SLC35F1: variants seen among roughly 807,000 people sequenced by gnomAD.
SLC35F1 encodes chromosome 6 open reading frame 169.
A neutral mutation model predicts 48.7 loss-of-function variants in SLC35F1; 14 were observed. The ratio of observed to expected loss-of-function variants is 0.29; its 90% CI spans 0.19 to 0.45. SLC35F1 has a LOEUF of 0.45. SLC35F1 is among the 20% of genes least tolerant of loss of function. SLC35F1 has a pLI of 1.00. For synonymous variants in SLC35F1, 190 were observed against 202.2 expected (o/e 0.94, Z 0.51); for missense variants, 404 against 500.0 (o/e 0.81, Z 1.83).
chr6:118,043,017 C>T (rs1387541245), intron 1 of SLC35F1, among the ~76,000 whole-genome samples: 4 of 152,140 alleles, frequency 2.6e-5, no homozygotes, highest in Admixed American at 1.3e-4. Context: ...GCATTTACAG[C>T]CCAATGGGTA....
intron 2 of SLC35F1, among the ~76,000 whole-genome samples, chr6:118,216,392 T>C (rs575526111): frequency 6.6e-6 from 1 of 151,316 alleles, no homozygotes; most frequent in South Asian, 2.1e-4. Flanking sequence ...ATTCTTATTT[T>C]ATAATTTCTA....
intron 1 of SLC35F1, among the ~76,000 whole-genome samples, chr6:118,060,003 T>G (rs1156863686): frequency 1.3e-5 from 2 of 152,224 alleles, no homozygotes; most frequent in African/African-American, 4.8e-5. Flanking sequence ...AAGTTAAGTA[T>G]ATAATTGTAT....
chr6:118,152,640 G>T (rs952994126), intron 1 of SLC35F1, among the ~76,000 whole-genome samples: 8 of 152,116 alleles, frequency 5.3e-5, no homozygotes, highest in African/African-American at 1.9e-4. Context: ...CTTTTATGAG[G>T]GCAGAAAATG....
intron 3 of SLC35F1, among the ~76,000 whole-genome samples, chr6:118,241,603 G>C (rs1014961007): frequency 2.6e-5 from 4 of 151,742 alleles, no homozygotes; most frequent in African/African-American, 9.7e-5. Context: ...GTGTGTGTGT[G>C]TGTGTCTGTG....
chr6:117,911,493 T>TGGCATGATCACAACTTATTGCAGC (rs1775763395), intron 1 of SLC35F1, among the ~76,000 whole-genome samples: 1 of 148,510 alleles, frequency 6.7e-6, no homozygotes, highest in Non-Finnish European at 1.5e-5. Flanking sequence ...TGGAGTGCAG[T>TGGCATGATCACAACTTATTGCAGC]GGCATGATCA....
chr6:118,043,997 G>C (rs539823861), intron 1 of SLC35F1, among the ~76,000 whole-genome samples: 1 of 152,186 alleles, frequency 6.6e-6, no homozygotes, highest in Non-Finnish European at 1.5e-5. Context: ...AAGGCAAAAG[G>C]GACTGCCAAC....
Position 118,162,590 on chromosome 6 carries a change from G to A in SLC35F1, c.349+7970G>A, listed in dbSNP as rs537333100. On this transcript the variant is annotated intron_variant, in intron 2 of 7. Transcript: ENST00000360388. The stretch of plus-strand genomic sequence containing the variant: ...AAAGAAAATTAACTACTATAACTCG[G>A]CCGTTACCATGATGGAATAAGTTAT... Among the ~76,000 whole-genome samples the A allele has an allele frequency of 2.6e-5, 4 of 152,242 alleles. No individual in the cohort carries two copies. The East Asian group carries it at 5.8e-4, about 22-fold the overall frequency.
At chr6:118,212,704 AGAAGGAAAGGAAGGAAG>A (rs1562326973) in intron 2 of SLC35F1, among the ~76,000 whole-genome samples, 2 of 143,390 alleles carry the variant, frequency 1.4e-5, no homozygotes, top group African/African-American at 5.3e-5. Context: ...AAAGAAGGAA[AGAAGGAAAGGAAGGAAG>A]GAAGGAAAGG....
chr6:118,266,897 G>A (rs1234635854), intron 3 of SLC35F1, 98 bp from the exon 4 acceptor site: 1 of 1,376,138 alleles, frequency 7.3e-7, no homozygotes, highest in Non-Finnish European at 1.0e-6. Context: ...CAGGGGAAAG[G>A]CAGAACCCTT....
chr6:117,928,738 C>A (rs1226335297), intron 1 of SLC35F1, among the ~76,000 whole-genome samples: 2 of 152,042 alleles, frequency 1.3e-5, no homozygotes, highest in East Asian at 3.9e-4. Context: ...TTTTGGAGAG[C>A]AGTTGCACAA....
At chr6:117,945,802 T>C (rs2114823312) in intron 1 of SLC35F1, among the ~76,000 whole-genome samples, 1 of 152,336 alleles carries the variant, frequency 6.6e-6, no homozygotes, top group African/African-American at 2.4e-5. Context: ...TTTCACTTTG[T>C]AGGACCATTT....
At chr6:118,008,044 A>G (rs1582615996) in intron 1 of SLC35F1, among the ~76,000 whole-genome samples, 1 of 151,956 alleles carries the variant, frequency 6.6e-6, no homozygotes, top group Admixed American at 6.6e-5. Context: ...ACACATGGAT[A>G]TTTGCTCTTT....
At chr6:118,179,671 G>A (rs896105467) in intron 2 of SLC35F1, among the ~76,000 whole-genome samples, 2 of 152,142 alleles carry the variant, frequency 1.3e-5, no homozygotes, top group East Asian at 1.9e-4. Context: ...TTATATGTTG[G>A]GAGAAACTCT....
intron 1 of SLC35F1, among the ~76,000 whole-genome samples, chr6:117,978,611 C>T (rs1179425510): frequency 6.6e-6 from 1 of 152,140 alleles, no homozygotes; most frequent in Non-Finnish European, 1.5e-5. Flanking sequence ...TTGCTTCAGA[C>T]CTAAGTCAGC....
intron 1 of SLC35F1, among the ~76,000 whole-genome samples, chr6:117,925,185 A>G (rs1179255684): frequency 6.6e-6 from 1 of 152,126 alleles, no homozygotes; most frequent in Non-Finnish European, 1.5e-5. Context: ...ATCTAAGCCA[A>G]TTAGTTTATG....
intron 1 of SLC35F1, among the ~76,000 whole-genome samples, chr6:117,993,471 A>T (rs4946315): frequency 0.36 from 55,208 of 152,020 alleles, 10,708 homozygotes; most frequent in South Asian, 0.51. Context: ...CAATTAATAG[A>T]TTTTTATTGA....
At chr6:118,179,828 C>T (rs773206637) in intron 2 of SLC35F1, among the ~76,000 whole-genome samples, 2 of 152,072 alleles carry the variant, frequency 1.3e-5, no homozygotes, top group African/African-American at 2.4e-5. Flanking sequence ...GACACTCTCA[C>T]GCTGGTTATG....
intron 2 of SLC35F1, among the ~76,000 whole-genome samples, chr6:118,218,419 G>T (rs1370573278): frequency 6.6e-6 from 1 of 152,070 alleles, no homozygotes; most frequent in African/African-American, 2.4e-5. Flanking sequence ...GTGGAGGGAG[G>T]GCGGGGATAG....
At chr6:118,180,305 G>A (rs968659971) in intron 2 of SLC35F1, among the ~76,000 whole-genome samples, 4 of 151,984 alleles carry the variant, frequency 2.6e-5, no homozygotes, top group African/African-American at 9.7e-5. Context: ...CAAGTTCTAA[G>A]GACTATGAGC....
Sources: allele counts gnomAD v4.1 joint callset (sites outside exome capture counted in the v4.1 genomes callset), GRCh38; gene constraint gnomAD v4.1.1; transcripts MANE v1.5; gene names NCBI Gene and HGNC (gene_info 2026-07-23, HGNC 2026-07-21).